Variants in RNPEPL1 observed in about 807,000 individuals in gnomAD.
The protein encoded by RNPEPL1 is arginyl aminopeptidase like 1, also known as aminopeptidase RNPEPL1.
Under a neutral mutation model 69.0 loss-of-function variants are expected in RNPEPL1, and 46 were observed. That is an observed-to-expected ratio of 0.67 (90% CI 0.53 to 0.85). The LOEUF (loss-of-function observed/expected upper bound fraction) is 0.85. RNPEPL1 is among the 40% of genes least tolerant of loss of function. The pLI, the probability that RNPEPL1 is intolerant of heterozygous loss-of-function variation, is 0.00. For missense variants in RNPEPL1, 869 were observed against 992.5 expected, an observed-to-expected ratio of 0.88 and a Z score of 1.67; for synonymous variants, 525 against 454.1, an observed-to-expected ratio of 1.16 and a Z score of -1.98.
At position 240,568,554 on chromosome 2, in the gene RNPEPL1, G is replaced by A. The variant is rs1470079258; in HGVS notation, c.-33G>A. The A allele has an allele frequency of 6.3e-6, 6 of 953,592 alleles. No individual in the cohort carries two copies. The highest frequency in any genetic ancestry group is 6.2e-6 in the Non-Finnish European group (5 of 805,852). The allele number at this position is 953,592 out of a possible 1,614,324, so 59.1% of individuals were successfully genotyped here. A position where few individuals can be genotyped will look rare whatever the true frequency, so the allele number is the denominator to read the frequency against. ...CCCTCGCCCGCGGCCCGGCGCGGCC[G>A]CCGCCCATGGATTTCACCTAGTGCC... On this transcript the variant is annotated 5_prime_UTR_variant, in exon 1 of 11. Coordinates refer to ENST00000270357, the MANE Select transcript of RNPEPL1 (RefSeq NM_018226.6). The surrounding 1 kb of genome is among the most constrained non-coding windows in gnomAD (Gnocchi z 6.2).
rs1244254581 is a variant in RNPEPL1 at position 240,574,603 on chromosome 2, C to T, written c.1263C>T (p.Ser421=). ...MKLLGEDSPV[S]KLQVKLEPGV... The stretch of plus-strand genomic sequence containing the variant: ...TTCTGGGAGAGGACAGCCCGGTCAG[C>T]AAACTGCAGGTCAAGCTGGAGCCAG... The change falls in exon 6 of 11, where the codon AGC becomes AGT. Residue 421 remains serine (S), a synonymous_variant. Transcript: ENST00000270357. 1.9e-6 allele frequency: 3 copies of T among 1,612,790 alleles called. No individual in the cohort carries two copies. Among genetic ancestry groups the T allele is most frequent in the Non-Finnish European group, 2.5e-6 (3 of 1,179,950 alleles).
At chr2:240,575,887 T>A in intron 8 of RNPEPL1, 1 of 493,754 alleles carries the variant, frequency 2.0e-6, no homozygotes, top group Non-Finnish European at 3.7e-6. Context: ...GCAAAGGGCC[T>A]GGTGCAGGAA....
chr2:240,568,627 A>T lies in RNPEPL1; in HGVS notation c.41A>T (p.Glu14Val). The T allele has an allele frequency of 1.0e-6, 1 of 994,378 alleles. No homozygotes were observed. Among genetic ancestry groups the T allele is most frequent in the Non-Finnish European group, 1.2e-6 (1 of 839,726 alleles). 61.6% of individuals were successfully genotyped at this position (994,378 alleles called of 1,614,324 possible). ...QCCCRQAPGA[E>V]AAPVRPPPEP... ...TGCTGCCGCCAGGCGCCCGGCGCCG[A>T]GGCCGCGCCCGTCCGCCCGCCGCCC... The change falls in exon 1 of 11, where the codon GAG becomes GTG. Residue 14 changes from glutamate (E) to valine (V), a missense_variant. Around this residue, in one of 2 missense-constraint regions of RNPEPL1, gnomAD observed 259 missense variants for 201.5 expected, o/e 1.29. Coordinates refer to ENST00000270357, the MANE Select transcript of RNPEPL1 (RefSeq NM_018226.6). The surrounding 1 kb of genome is among the most constrained non-coding windows in gnomAD (Gnocchi z 6.2).
At chr2:240,569,261 G>T (rs1407197288) in intron 1 of RNPEPL1, 147 bp downstream of exon 1, 9 of 939,726 alleles carry the variant, frequency 9.6e-6, no homozygotes, top group Non-Finnish European at 1.3e-5. Context: ...GCTGTTGCCT[G>T]TGAGCCCTTA....
chr2:240,568,921 G>T lies in RNPEPL1; in HGVS notation c.335G>T (p.Gly112Val), dbSNP rs1055979792. 6.1e-6 allele frequency: 8 copies of T among 1,307,280 alleles called. No homozygotes were observed. The highest frequency in any genetic ancestry group is 7.7e-6 in the Non-Finnish European group (8 of 1,033,924). 81.0% of individuals were successfully genotyped at this position (1,307,280 alleles called of 1,614,324 possible). A position where few individuals can be genotyped will look rare whatever the true frequency, so the allele number is the denominator to read the frequency against. The stretch of plus-strand genomic sequence containing the variant: ...TTCGCCTTCTCCGCCCCCGGGCCGG[G>T]GCCCGCGCCGCCGCCCCCGCTGCCC... The part of the protein sequence containing the change: ...CAFAFSAPGP[G>V]PAPPPPLPAF... Residue 112 changes from glycine to valine, a missense_variant, in exon 1 of 11, where the codon GGG becomes GTG. Physicochemically the swap from Gly to Val is moderately radical, Grantham distance 109 (BLOSUM62 -3). Around this residue, in one of 2 missense-constraint regions of RNPEPL1, gnomAD observed 259 missense variants for 201.5 expected, o/e 1.29. Transcript: ENST00000270357. The surrounding 1 kb of genome is among the most constrained non-coding windows in gnomAD (Gnocchi z 6.2).
intron 1 of RNPEPL1, among the ~76,000 whole-genome samples, chr2:240,570,526 C>T (rs528163369): frequency 2.0e-5 from 3 of 152,342 alleles, no homozygotes; most frequent in South Asian, 2.1e-4. Context: ...CCCTTCTCTT[C>T]CTGCATGTTC....
At chr2:240,569,916 C>T (rs145197661) in intron 1 of RNPEPL1, among the ~76,000 whole-genome samples, 3 of 152,308 alleles carry the variant, frequency 2.0e-5, no homozygotes, top group Non-Finnish European at 4.4e-5. Context: ...CGAGAGGCTT[C>T]AGGCCACAAA....
At chr2:240,573,943 G>C (rs781264895) in intron 4 of RNPEPL1, 52 bp downstream of exon 4, 1 of 1,514,700 alleles carries the variant, frequency 6.6e-7, no homozygotes, top group East Asian at 2.4e-5. Flanking sequence ...GAGTCAGAGG[G>C]GGAGCCCCTC....
In RNPEPL1 at chr2:240,568,934, GC is replaced by G; in HGVS notation, c.353del (p.Pro118ArgfsTer67). 3 of 1,339,584 alleles carry G rather than the reference GC, an allele frequency of 2.2e-6. No individual in the cohort carries two copies. Among genetic ancestry groups the G allele is most frequent in the Non-Finnish European group, 2.9e-6 (3 of 1,048,884 alleles). 83.0% of individuals were successfully genotyped at this position (1,339,584 alleles called of 1,614,324 possible). A position where few individuals can be genotyped will look rare whatever the true frequency, so the allele number is the denominator to read the frequency against. Reference protein sequence around the residue: ...SAPGPGPAPPPPLPAFPEAPG... With the variant: ...SAPGPGPAPPXPLPAFPEAPG... ...CCCCCGGGCCGGGGCCCGCGCCGCCGCCCCCGCTGCCCGCCTTCCCCGAGGC... is the reference window on the plus strand; with the variant it reads ...CCCCCGGGCCGGGGCCCGCGCCGCCGCCCCGCTGCCCGCCTTCCCCGAGGC... On this transcript the variant is annotated frameshift_variant, in exon 1 of 11. Coordinates refer to ENST00000270357, the MANE Select transcript of RNPEPL1 (RefSeq NM_018226.6). LOFTEE classifies it high-confidence loss of function. The surrounding 1 kb of genome is among the most constrained non-coding windows in gnomAD (Gnocchi z 6.2).
In RNPEPL1 at chr2:240,576,963, C is replaced by T. The variant is rs373530869; in HGVS notation, c.1857C>T (p.His619=). 1.2e-6 allele frequency: 2 copies of T among 1,613,358 alleles called. No homozygotes were observed. The highest frequency in any genetic ancestry group is 2.2e-5 in the East Asian group (1 of 44,878). The change falls in exon 10 of 11, where the codon CAC becomes CAT. Residue 619 remains histidine, a synonymous_variant. Coordinates refer to ENST00000270357, the MANE Select transcript of RNPEPL1 (RefSeq NM_018226.6). ...GCAACGACTACTATCCTGACCTCCA[C>T]AGGGTGCGGCGCTTCCTGGAGAGCC... ...VVRNDYYPDL[H]RVRRFLESQM...
chr2:240,572,579 C>T lies in RNPEPL1; in HGVS notation c.669+16C>T, dbSNP rs1017886261. The T allele has an allele frequency of 4.6e-6, 7 of 1,535,732 alleles. No homozygotes were observed. The African/African-American group carries it at 9.6e-5, about 21-fold the overall frequency. On this transcript the variant is annotated intron_variant, in intron 2 of 10. Transcript: ENST00000270357. Reference sequence around the variant, plus strand: ...CGTCGTCAAGGTCAGGGGCCGCCAGCTGCCGTCACCTTGCTCCCAGGACAG... The same window carrying T: ...CGTCGTCAAGGTCAGGGGCCGCCAGTTGCCGTCACCTTGCTCCCAGGACAG...
intron 1 of RNPEPL1, among the ~76,000 whole-genome samples, chr2:240,570,227 C>T (rs768409826): frequency 1.1e-4 from 17 of 152,218 alleles, no homozygotes; most frequent in Admixed American, 5.9e-4. Context: ...GCAGAGTGGC[C>T]GGACCAGGGC....
In RNPEPL1 at chr2:240,572,544, C is replaced by T; in HGVS notation, c.650C>T (p.Thr217Ile). 2.6e-6 allele frequency: 4 copies of T among 1,536,250 alleles called. No individual in the cohort carries two copies. Among genetic ancestry groups the T allele is most frequent in the Non-Finnish European group, 3.5e-6 (4 of 1,146,850 alleles). ...TTCGACACACCTGCCGTGAAGTGCACCTACTCTGCCGTCGTCAAGGTCAGG... is the reference window on the plus strand; with the variant it reads ...TTCGACACACCTGCCGTGAAGTGCATCTACTCTGCCGTCGTCAAGGTCAGG... ...PCFDTPAVKCTYSAVVKAPSG... is the reference protein window; with the variant it reads ...PCFDTPAVKCIYSAVVKAPSG... The change falls in exon 2 of 11, where the codon ACC becomes ATC. Residue 217 changes from threonine (T) to isoleucine (I), a missense_variant. Coordinates refer to ENST00000270357, the MANE Select transcript of RNPEPL1 (RefSeq NM_018226.6).
In RNPEPL1 at chr2:240,579,646, C is replaced by T. The variant is rs546927583; in HGVS notation, c.*1754C>T. 2 of 152,158 alleles carry T rather than the reference C, an allele frequency of 1.3e-5. No individual in the cohort carries two copies. The highest frequency in any genetic ancestry group is 4.8e-5 in the African/African-American group (2 of 41,416). The allele number at this position is 152,158 out of a possible 1,614,324, so 9.4% of individuals were successfully genotyped here. On this transcript the variant is annotated 3_prime_UTR_variant, in exon 11 of 11. Coordinates refer to ENST00000270357, the MANE Select transcript of RNPEPL1 (RefSeq NM_018226.6). ...AGGCAGGCACAGCTAGGGCCCCTGCCTGGGAGTGGACACCCCACTCCCCCA... is the reference window on the plus strand; with the variant it reads ...AGGCAGGCACAGCTAGGGCCCCTGCTTGGGAGTGGACACCCCACTCCCCCA...
At position 240,578,759 on chromosome 2, in the gene RNPEPL1, T is replaced by A. The variant is rs1318306863; in HGVS notation, c.*867T>A. ...CTCCTGCGCTCTTTCTCGCGACTCT[T>A]GTCCTCTGCATCTTCCTGGCTGTGT... On this transcript the variant is annotated 3_prime_UTR_variant, in exon 11 of 11. Transcript: ENST00000270357. 2.0e-5 allele frequency: 3 copies of A among 152,854 alleles called. No homozygotes were observed. Among genetic ancestry groups the A allele is most frequent in the Non-Finnish European group, 4.4e-5 (3 of 68,424 alleles). The allele number at this position is 152,854 out of a possible 1,614,324, so 9.5% of individuals were successfully genotyped here.
chr2:240,576,867 C>G lies in RNPEPL1; in HGVS notation c.1761C>G (p.Ser587=), dbSNP rs1349439678. 1.1e-5 allele frequency: 18 copies of G among 1,613,186 alleles called. No individual in the cohort carries two copies. The South Asian group carries it at 1.8e-4, about 16-fold the overall frequency. The change falls in exon 10 of 11, where the codon TCC becomes TCG. Residue 587 remains serine, a synonymous_variant. Coordinates refer to ENST00000270357, the MANE Select transcript of RNPEPL1 (RefSeq NM_018226.6). ...PLPQEVVMSL[S]KCYSSLLDSM... ...CTGCAGAGGTGGTGATGAGCCTGTC[C>G]AAGTGCTACTCCTCCCTGCTGGACT... is the stretch of plus-strand genomic sequence containing the variant.
Position 240,568,919 on chromosome 2 carries a change from G to C in RNPEPL1, c.333G>C (p.Pro111=). 1.5e-6 allele frequency: 2 copies of C among 1,296,862 alleles called. No homozygotes were observed. The highest frequency in any genetic ancestry group is 2.3e-5 in the South Asian group (1 of 44,254). 80.3% of individuals were successfully genotyped at this position (1,296,862 alleles called of 1,614,324 possible). A position where few individuals can be genotyped will look rare whatever the true frequency, so the allele number is the denominator to read the frequency against. Residue 111 remains proline, a synonymous_variant, in exon 1 of 11, where the codon CCG becomes CCC. Coordinates refer to ENST00000270357, the MANE Select transcript of RNPEPL1 (RefSeq NM_018226.6). This position sits in a 1 kb window ranked among gnomAD's most constrained non-coding sequence, Gnocchi z 6.2. ...PCAFAFSAPG[P]GPAPPPPLPA... ...CCTTCGCCTTCTCCGCCCCCGGGCC[G>C]GGGCCCGCGCCGCCGCCCCCGCTGC... is the stretch of plus-strand genomic sequence containing the variant.
Position 240,569,239 on chromosome 2 carries a change from C to T in RNPEPL1, c.528+125C>T, listed in dbSNP as rs967076436. ...TACAGGTGCCCCCCTCCCCCCACCCCGGTGATTCCCAGCTGTTGCCTGTGA... is the reference window on the plus strand; with the variant it reads ...TACAGGTGCCCCCCTCCCCCCACCCTGGTGATTCCCAGCTGTTGCCTGTGA... On this transcript the variant is annotated intron_variant, in intron 1 of 10. Coordinates refer to ENST00000270357, the MANE Select transcript of RNPEPL1 (RefSeq NM_018226.6). The T allele has an allele frequency of 1.5e-5, 16 of 1,086,852 alleles. No individual in the cohort carries two copies. In the African/African-American group the frequency reaches 1.7e-4, roughly 12 times the overall value. 67.3% of individuals were successfully genotyped at this position (1,086,852 alleles called of 1,614,324 possible).
chr2:240,574,681 C>A, intron 6 of RNPEPL1, 53 bp downstream of exon 6: 1 of 1,402,094 alleles, frequency 7.1e-7, no homozygotes, highest in Non-Finnish European at 1.0e-6. Context: ...CCCCTCAAGG[C>A]CTCCTTGCCT....
Sources: gnomAD v4.1 joint callset for allele counts (sites outside exome capture counted in the v4.1 genomes callset) on GRCh38, gnomAD v4.1.1 for gene constraint, gnomAD v4.1.1 regional missense constraint, Gnocchi (gnomAD v3.1) non-coding constraint, MANE v1.5 for transcripts, NCBI Gene and HGNC (gene_info 2026-07-23, HGNC 2026-07-21) for gene names.